Variants in AP1S3 observed in about 807,000 individuals in gnomAD.
The protein encoded by AP1S3 is adaptor related protein complex 1 subunit sigma 3, also known as AP-1 complex subunit sigma-3.
In AP1S3, 10 loss-of-function variants were observed where a neutral mutation model predicts 20.9. The ratio of observed to expected loss-of-function variants is 0.48; its 90% CI spans 0.29 to 0.81. The LOEUF (loss-of-function observed/expected upper bound fraction) is 0.81, where lower values mean the gene tolerates loss of function less well. AP1S3 is among the 30% of genes least tolerant of loss of function. The probability of loss-of-function intolerance (pLI) is 0.08; values close to 1 mark genes in which losing one functional copy is unlikely to be tolerated. For synonymous variants in AP1S3, 41 were observed against 61.5 expected, an observed-to-expected ratio of 0.67 and a Z score of 1.56; for missense variants, 154 against 183.8, an observed-to-expected ratio of 0.84 and a Z score of 0.94.
intron 1 of AP1S3, among the ~76,000 whole-genome samples, chr2:223,779,718 A>G (rs1690877253): frequency 6.6e-6 from 1 of 152,188 alleles, no homozygotes; most frequent in African/African-American, 2.4e-5. Flanking sequence ...CTGTAATCCC[A>G]GCACTTTGGG....
At chr2:223,760,334 C>G (rs1325833786) in intron 4 of AP1S3, among the ~76,000 whole-genome samples, 8 of 152,208 alleles carry the variant, frequency 5.3e-5, no homozygotes, top group African/African-American at 1.9e-4. Context: ...CGCTGACTGA[C>G]ATGGGCTGAA....
At chr2:223,834,421 T>C (rs375993041) in intron 1 of AP1S3, among the ~76,000 whole-genome samples, 17 of 152,022 alleles carry the variant, frequency 1.1e-4, no homozygotes, top group African/African-American at 4.1e-4. Flanking sequence ...TAAGACCTCA[T>C]TTATACAAAA....
rs1321240066 is a variant in AP1S3, at chr2:223,757,664, A to G, written c.*1051T>C. On this transcript the variant is annotated 3_prime_UTR_variant, in exon 5 of 5. Transcript: ENST00000396654. ...CAGAATTTTCATTCCAGGAAGCACA[A>G]ATGTGATATACTTACAGTAATAATG... The G allele has an allele frequency of 1.0e-6, 1 of 985,284 alleles. No individual in the cohort carries two copies. Among genetic ancestry groups the G allele is most frequent in the East Asian group, 1.1e-4 (1 of 8,830 alleles). The allele number at this position is 985,284 out of a possible 1,614,324, so 61.0% of individuals were successfully genotyped here. A position where few individuals can be genotyped will look rare whatever the true frequency, so the allele number is the denominator to read the frequency against.
At chr2:223,760,675 C>A (rs1403319614) in intron 4 of AP1S3, among the ~76,000 whole-genome samples, 1 of 149,532 alleles carries the variant, frequency 6.7e-6, no homozygotes, top group Non-Finnish European at 1.5e-5. Context: ...CATGGGAATA[C>A]AAAGTTACAA....
intron 1 of AP1S3, 55 bp from the exon 2 acceptor site, chr2:223,777,924 C>A: frequency 1.4e-6 from 2 of 1,469,002 alleles, no homozygotes; most frequent in Non-Finnish European, 1.9e-6. Context: ...CTCTGCCGTT[C>A]TGCAAAGACA....
At position 223,756,842 on chromosome 2, in the gene AP1S3, G is replaced by C. The variant is rs1690233680; in HGVS notation, c.*1873C>G. 1.0e-6 allele frequency: 1 copy of C among 985,178 alleles called. No homozygotes were observed. Among genetic ancestry groups the C allele is most frequent in the South Asian group, 4.7e-5 (1 of 21,290 alleles). 61.0% of individuals were successfully genotyped at this position (985,178 alleles called of 1,614,324 possible). On this transcript the variant is annotated 3_prime_UTR_variant, in exon 5 of 5. Coordinates refer to ENST00000396654, the MANE Select transcript of AP1S3 (RefSeq NM_001039569.2). Reference sequence around the variant, plus strand: ...ATGGGATCTCCTAAAGAATCCAACAGGAAACACACTCTTCTAGGAAATCAC... The same window carrying C: ...ATGGGATCTCCTAAAGAATCCAACACGAAACACACTCTTCTAGGAAATCAC...
intron 1 of AP1S3, among the ~76,000 whole-genome samples, chr2:223,802,398 G>A (rs1168553208): frequency 6.6e-6 from 1 of 151,768 alleles, no homozygotes; most frequent in African/African-American, 2.4e-5. Flanking sequence ...CACCTCCCTG[G>A]TTCAAGCAAT....
At chr2:223,799,498 A>G (rs766968468) in intron 1 of AP1S3, among the ~76,000 whole-genome samples, 1 of 152,204 alleles carries the variant, frequency 6.6e-6, no homozygotes, top group Admixed American at 6.5e-5. Flanking sequence ...AATCCACCAT[A>G]TATCTCTGGC....
chr2:223,785,457 G>C (rs1691050507), intron 1 of AP1S3, among the ~76,000 whole-genome samples: 2 of 152,114 alleles, frequency 1.3e-5, no homozygotes, highest in Admixed American at 1.3e-4. Flanking sequence ...TGTTATAGTG[G>C]TTATCTTACA....
At chr2:223,831,590 T>TCAGGTTAAA (rs1320335211) in intron 1 of AP1S3, among the ~76,000 whole-genome samples, 1 of 152,070 alleles carries the variant, frequency 6.6e-6, no homozygotes, top group Non-Finnish European at 1.5e-5. Flanking sequence ...CCTGGATACT[T>TCAGGTTAAA]CAGGTTAAAC....
chr2:223,771,821 A>C (rs1446770706), intron 3 of AP1S3, among the ~76,000 whole-genome samples: 1 of 152,202 alleles, frequency 6.6e-6, no homozygotes, highest in Non-Finnish European at 1.5e-5. Flanking sequence ...ATAAAATAAG[A>C]ATAGGCCGGG....
At chr2:223,789,674 C>CAAAAA (rs536845135) in intron 1 of AP1S3, among the ~76,000 whole-genome samples, 2 of 89,188 alleles carry the variant, frequency 2.2e-5, no homozygotes, top group Admixed American at 1.2e-4. Flanking sequence ...AACCCTGTCT[C>CAAAAA]AAAAAAAAAA....
chr2:223,835,313 A>C (rs1031924760), intron 1 of AP1S3, among the ~76,000 whole-genome samples: 4 of 152,252 alleles, frequency 2.6e-5, no homozygotes, highest in Non-Finnish European at 2.9e-5. Context: ...GAGATCGTGA[A>C]TATAAAGAGC....
chr2:223,820,523 T>C (rs1691962126), intron 1 of AP1S3, among the ~76,000 whole-genome samples: 1 of 151,286 alleles, frequency 6.6e-6, no homozygotes, highest in South Asian at 2.1e-4. Context: ...GTAACATCTA[T>C]ATGTGTACAT....
intron 1 of AP1S3, among the ~76,000 whole-genome samples, chr2:223,825,269 C>A (rs374375784): frequency 2.7e-5 from 4 of 150,666 alleles, no homozygotes; most frequent in Non-Finnish European, 5.9e-5. Flanking sequence ...GCTGAGATCG[C>A]GCCACTGCAC....
At chr2:223,815,127 G>T (rs1691815788) in intron 1 of AP1S3, among the ~76,000 whole-genome samples, 1 of 152,182 alleles carries the variant, frequency 6.6e-6, no homozygotes, top group Non-Finnish European at 1.5e-5. Context: ...ACTTTCGATT[G>T]ATTTTACCAA....
intron 1 of AP1S3, among the ~76,000 whole-genome samples, chr2:223,782,110 C>G (rs926128844): frequency 6.6e-6 from 1 of 151,148 alleles, no homozygotes; most frequent in East Asian, 2.0e-4. Flanking sequence ...TTCCTAGGCT[C>G]AAGTGATTCT....
rs1690185813 is a variant in AP1S3, at chr2:223,755,410, T to C, written c.*3305A>G. On this transcript the variant is annotated 3_prime_UTR_variant, in exon 5 of 5. Coordinates refer to ENST00000396654, the MANE Select transcript of AP1S3 (RefSeq NM_001039569.2). Reference sequence around the variant, plus strand: ...TACTGTCTTTCTCTTGGTAGTTTTATAGTAATTATATAATATAAAGAAAAC... The same window carrying C: ...TACTGTCTTTCTCTTGGTAGTTTTACAGTAATTATATAATATAAAGAAAAC... 6.6e-6 allele frequency among the ~76,000 whole-genome samples: 1 copy of C among 152,182 alleles called. No homozygotes were observed. Among genetic ancestry groups the C allele is most frequent in the Non-Finnish European group, 1.5e-5 (1 of 68,038 alleles).
chr2:223,761,429 C>T (rs1690351069), intron 4 of AP1S3, among the ~76,000 whole-genome samples: 2 of 152,116 alleles, frequency 1.3e-5, no homozygotes, highest in African/African-American at 4.8e-5. Flanking sequence ...TCTGACCCTC[C>T]CCTTCTTTTT....
Sources: allele counts gnomAD v4.1 joint callset (sites outside exome capture counted in the v4.1 genomes callset), GRCh38; gene constraint gnomAD v4.1.1; transcripts MANE v1.5; gene names NCBI Gene and HGNC (gene_info 2026-07-23, HGNC 2026-07-21).